MKNK1: variants seen among roughly 807,000 people sequenced by gnomAD.
MKNK1 encodes the protein MAPK interacting serine/threonine kinase 1.
In MKNK1, 30 loss-of-function variants were observed where a neutral mutation model predicts 49.3. The ratio of observed to expected loss-of-function variants is 0.61; its 90% CI spans 0.46 to 0.83. The LOEUF (loss-of-function observed/expected upper bound fraction) is 0.83. MKNK1 is among the 40% of genes least tolerant of loss of function. The probability of loss-of-function intolerance (pLI) is 0.00; values close to 1 mark genes in which losing one functional copy is unlikely to be tolerated. For synonymous variants in MKNK1, 176 were observed against 201.7 expected (o/e 0.87, Z 1.08); for missense variants, 423 against 524.7 (o/e 0.81, Z 1.89).
At chr1:46,588,687 G>A (rs188896114) in intron 2 of MKNK1, among the ~76,000 whole-genome samples, 1 of 151,940 alleles carries the variant, frequency 6.6e-6, no homozygotes, top group African/African-American at 2.4e-5. Flanking sequence ...GGCGCCTGTA[G>A]TCCCAGCTAT....
At chr1:46,587,046 G>A (rs1411281335) in intron 2 of MKNK1, among the ~76,000 whole-genome samples, 1 of 152,216 alleles carries the variant, frequency 6.6e-6, no homozygotes, top group Non-Finnish European at 1.5e-5. Flanking sequence ...CTGACCTCAG[G>A]TGATCCGCCT....
At chr1:46,596,505 TGC>T (rs1674084882) in intron 1 of MKNK1, among the ~76,000 whole-genome samples, 1 of 152,218 alleles carries the variant, frequency 6.6e-6, no homozygotes, top group African/African-American at 2.4e-5. Context: ...TGTGTTATTT[TGC>T]CACGTGGAGC....
At position 46,580,356 on chromosome 1, in the gene MKNK1, G is replaced by C. The variant is rs894422259; in HGVS notation, c.198+174C>G. 4 of 598,484 alleles carry C rather than the reference G, an allele frequency of 6.7e-6. No individual in the cohort carries two copies. In the East Asian group the frequency reaches 8.5e-5, roughly 13 times the overall value. The allele number at this position is 598,484 out of a possible 1,614,324, so 37.1% of individuals were successfully genotyped here. A position where few individuals can be genotyped will look rare whatever the true frequency, so the allele number is the denominator to read the frequency against. On this transcript the variant is annotated intron_variant, in intron 4 of 12. Coordinates refer to ENST00000371945, the MANE Select transcript of MKNK1 (RefSeq NM_001135553.4). ...TTACAGATGAGAAAACTGAAGGACA[G>C]AGAAGTTAAGTAACTTGCCCGAGGT...
In MKNK1 at chr1:46,576,538, C is replaced by A. The variant is rs1670981532; in HGVS notation, c.278+37G>T. The A allele has an allele frequency of 1.9e-6, 3 of 1,548,560 alleles. No homozygotes were observed. In the African/African-American group the frequency reaches 4.1e-5, roughly 21 times the overall value. On this transcript the variant is annotated intron_variant, in intron 5 of 12. Coordinates refer to ENST00000371945, the MANE Select transcript of MKNK1 (RefSeq NM_001135553.4). ...AGCCTCCTCTTCTGTGGCCAAGCGT[C>A]CCCCCAGAGAAGCAGCGAGAATCAC...
intron 1 of MKNK1, 107 bp from the exon 2 acceptor site, chr1:46,594,387 C>T (rs1473775092): frequency 7.1e-6 from 4 of 559,902 alleles, no homozygotes; most frequent in East Asian, 6.1e-5. Flanking sequence ...AGTTACCCCA[C>T]TAAGTAGATA....
intron 2 of MKNK1, among the ~76,000 whole-genome samples, chr1:46,588,715 G>T (rs1186459818): frequency 6.6e-6 from 1 of 151,484 alleles, no homozygotes; most frequent in African/African-American, 2.4e-5. Flanking sequence ...GCTGAGGCAG[G>T]AGAATGGCGT....
chr1:46,580,728 C>T, intron 3 of MKNK1, 101 bp from the exon 4 acceptor site: 4 of 775,232 alleles, frequency 5.2e-6, no homozygotes, highest in Non-Finnish European at 9.0e-6. Flanking sequence ...TCAGACGACA[C>T]AGGCACCCAA....
chr1:46,583,247 G>A lies in MKNK1; in HGVS notation c.81C>T (p.Ser27=). The part of the protein sequence containing the change: ...KKKRRGRATD[S]LPGKFEDMYK... Reference sequence around the variant, plus strand: ...ACCAACCTTCAAACTTTCCTGGCAAGGAGTCAGTGGCCCGGCCCCTCCGCT... The same window carrying A: ...ACCAACCTTCAAACTTTCCTGGCAAAGAGTCAGTGGCCCGGCCCCTCCGCT... The change falls in exon 3 of 13, where the codon TCC becomes TCT. Residue 27 remains serine (S), a synonymous_variant. Coordinates refer to ENST00000371945, the MANE Select transcript of MKNK1 (RefSeq NM_001135553.4). The A allele has an allele frequency of 6.2e-7, 1 of 1,614,050 alleles. No homozygotes were observed. Among genetic ancestry groups the A allele is most frequent in the East Asian group, 2.2e-5 (1 of 44,880 alleles).
chr1:46,569,804 C>T (rs1669769534), intron 7 of MKNK1: 1 of 152,242 alleles, frequency 6.6e-6, no homozygotes, highest in Non-Finnish European at 1.5e-5. Flanking sequence ...AGATATTTTC[C>T]ATTACAGCAA....
rs200971410 is a variant in MKNK1 at position 46,561,467 on chromosome 1, G to A, written c.969+11C>T. 150 of 1,600,200 alleles carry A rather than the reference G, an allele frequency of 9.4e-5. 2 individuals are homozygous for A. The African/African-American group carries it at 1.8e-3, about 19-fold the overall frequency. ...AAGTGGTGGAAAACACCCCTCCCTGGAGTCACTCACCCCCTGCACCCATGG... is the reference window on the plus strand; with the variant it reads ...AAGTGGTGGAAAACACCCCTCCCTGAAGTCACTCACCCCCTGCACCCATGG... On this transcript the variant is annotated intron_variant, in intron 11 of 12. Coordinates refer to ENST00000371945, the MANE Select transcript of MKNK1 (RefSeq NM_001135553.4).
At chr1:46,566,681 A>AGGCT (rs1438092748) in intron 8 of MKNK1, among the ~76,000 whole-genome samples, 41 of 152,330 alleles carry the variant, frequency 2.7e-4, no homozygotes, top group African/African-American at 9.6e-4. Context: ...CAGCCTACCT[A>AGGCT]GTAGTATGTG....
Position 46,560,096 on chromosome 1 carries a change from G to C in MKNK1, c.1013+138C>G. The C allele has an allele frequency of 3.3e-6, 3 of 918,674 alleles. 1 individual carries two copies. The Admixed American group carries it at 6.1e-5, about 19-fold the overall frequency. 56.9% of individuals were successfully genotyped at this position (918,674 alleles called of 1,614,324 possible). ...GATAGATCCAGAGTAGAGGAAAAGA[G>C]AGTGAGGAGGGGAAATGGGCAGGGA... On this transcript the variant is annotated intron_variant, in intron 12 of 12. Coordinates refer to ENST00000371945, the MANE Select transcript of MKNK1 (RefSeq NM_001135553.4).
At chr1:46,560,497 C>G (rs190519299) in intron 11 of MKNK1, among the ~76,000 whole-genome samples, 3 of 152,346 alleles carry the variant, frequency 2.0e-5, no homozygotes, top group Admixed American at 6.5e-5. Context: ...GAGAGCCCCT[C>G]TTTCCCTTTG....
Position 46,558,630 on chromosome 1 carries a change from C to A in MKNK1, c.1184G>T (p.Arg395Leu). 1 of 1,614,012 alleles carries A rather than the reference C, an allele frequency of 6.2e-7. No homozygotes were observed. The highest frequency in any genetic ancestry group is 8.5e-7 in the Non-Finnish European group (1 of 1,179,998). The change falls in exon 13 of 13, where the codon CGG becomes CTG. Residue 395 changes from arginine (R) to leucine (L), a missense_variant. Physicochemically the swap from Arg to Leu is moderately radical, Grantham distance 102 (BLOSUM62 -2). Transcript: ENST00000371945. The part of the protein sequence containing the change: ...PPCKSRLARR[R>L]ALAQAGRGED... ...ACCACGGCCTGCCTGGGCCAGGGCC[C>A]GTCTCCGGGCCAGGCGTGACTTGCA...
rs200395982 is a variant in MKNK1, at chr1:46,583,213, A to G, written c.100+15T>C. On this transcript the variant is annotated intron_variant, in intron 3 of 12. Transcript: ENST00000371945. ...GAAGCTGCAGGCCCAGATATAGGGA[A>G]GTTGTGTGACCAACCTTCAAACTTT... 184 of 1,608,418 alleles carry G rather than the reference A, an allele frequency of 1.1e-4. 1 individual carries two copies. The highest frequency in any genetic ancestry group is 6.2e-4 in the Admixed American group (37 of 59,828).
chr1:46,588,009 C>T (rs1672821464), intron 2 of MKNK1, among the ~76,000 whole-genome samples: 1 of 152,174 alleles, frequency 6.6e-6, no homozygotes, highest in Non-Finnish European at 1.5e-5. Context: ...TACATATTAT[C>T]TCTAATTCTT....
At chr1:46,584,976 C>A (rs1016788328) in intron 2 of MKNK1, among the ~76,000 whole-genome samples, 6 of 152,096 alleles carry the variant, frequency 3.9e-5, no homozygotes, top group Non-Finnish European at 8.8e-5. Context: ...TCTGGCTAGG[C>A]ACCATGGCTC....
chr1:46,560,669 A>G (rs1235602173), intron 11 of MKNK1, among the ~76,000 whole-genome samples: 1 of 152,178 alleles, frequency 6.6e-6, no homozygotes, highest in Non-Finnish European at 1.5e-5. Flanking sequence ...AGAAGCCTTT[A>G]TCATGCTGTA....
In MKNK1 at chr1:46,604,166, T is replaced by C. The variant is rs1675106898; in HGVS notation, c.-171+19A>G. The C allele has an allele frequency of 6.6e-6, 1 of 152,232 alleles. No individual in the cohort carries two copies. Among genetic ancestry groups the C allele is most frequent in the Admixed American group, 6.5e-5 (1 of 15,284 alleles). The allele number at this position is 152,232 out of a possible 1,614,324, so 9.4% of individuals were successfully genotyped here. On this transcript the variant is annotated intron_variant, in intron 1 of 12. Transcript: ENST00000371945. ...GCCCCATTTAGCTCGGAGGAATACCTCGCAGGTCTCGCTTTTACCTTCGCT... is the reference window on the plus strand; with the variant it reads ...GCCCCATTTAGCTCGGAGGAATACCCCGCAGGTCTCGCTTTTACCTTCGCT...
Sources: allele counts gnomAD v4.1 joint callset (sites outside exome capture counted in the v4.1 genomes callset), GRCh38; gene constraint gnomAD v4.1.1; transcripts MANE v1.5; gene names NCBI Gene and HGNC (gene_info 2026-07-23, HGNC 2026-07-21).